Variants in PKP2 observed in about 807,000 individuals in gnomAD.
PKP2 encodes the protein plakophilin 2, also known as plakophilin-2.
In PKP2, 73 loss-of-function variants were observed where a neutral mutation model predicts 83.4. The ratio of observed to expected loss-of-function variants is 0.88; its 90% CI spans 0.72 to 1.06. The LOEUF (loss-of-function observed/expected upper bound fraction) is 1.06, where lower values mean the gene tolerates loss of function less well. PKP2 is among the 50% of genes least tolerant of loss of function. PKP2 has a pLI of 0.00. For missense variants in PKP2, 966 were observed against 1,065.4 expected, an observed-to-expected ratio of 0.91 and a Z score of 1.30; for synonymous variants, 409 against 430.4, an observed-to-expected ratio of 0.95 and a Z score of 0.62.
At chr12:32,856,227 T>A (rs1219083681) in intron 4 of PKP2, among the ~76,000 whole-genome samples, 1 of 151,868 alleles carries the variant, frequency 6.6e-6, no homozygotes, top group Non-Finnish European at 1.5e-5. Flanking sequence ...TTAAGAAGGG[T>A]CTTACAGACT....
At chr12:32,872,191 T>G (rs940708421) in intron 3 of PKP2, among the ~76,000 whole-genome samples, 3 of 152,150 alleles carry the variant, frequency 2.0e-5, no homozygotes, top group Non-Finnish European at 2.9e-5. Context: ...GAAAGCAGTG[T>G]AAACTACCAC....
chr12:32,803,013 T>C (rs1750708290), intron 9 of PKP2, among the ~76,000 whole-genome samples: 1 of 152,152 alleles, frequency 6.6e-6, no homozygotes, highest in South Asian at 2.1e-4. Context: ...GTATTTTCTT[T>C]AAACTCTTAT....
At chr12:32,802,355 G>GT in intron 10 of PKP2, 48 bp downstream of exon 10, 1 of 1,563,564 alleles carries the variant, frequency 6.4e-7, no homozygotes, top group Non-Finnish European at 8.8e-7. Context: ...TCATTGCATT[G>GT]TATCTTCAGC....
At chr12:32,860,303 T>C (rs1289030870) in intron 4 of PKP2, among the ~76,000 whole-genome samples, 2 of 152,092 alleles carry the variant, frequency 1.3e-5, no homozygotes, top group African/African-American at 2.4e-5. Flanking sequence ...TAGTATTCAG[T>C]AGAGTATTAA....
At chr12:32,835,268 T>G (rs2137814881) in intron 6 of PKP2, among the ~76,000 whole-genome samples, 1 of 152,252 alleles carries the variant, frequency 6.6e-6, no homozygotes, top group African/African-American at 2.4e-5. Context: ...TTGGGCAGGC[T>G]GCTCTTGAAC....
At chr12:32,884,718 G>GA (rs1314856342) in intron 1 of PKP2, among the ~76,000 whole-genome samples, 1 of 151,380 alleles carries the variant, frequency 6.6e-6, no homozygotes, top group African/African-American at 2.4e-5. Flanking sequence ...ATTTTTTCAT[G>GA]AATTAGTCTA....
At chr12:32,808,850 T>A (rs1030140954) in intron 9 of PKP2, among the ~76,000 whole-genome samples, 4 of 152,164 alleles carry the variant, frequency 2.6e-5, no homozygotes, top group African/African-American at 7.2e-5. Context: ...CTTGGAGGTA[T>A]CAACAGTGAA....
chr12:32,854,889 G>T (rs1367026574), intron 4 of PKP2, among the ~76,000 whole-genome samples: 1 of 152,154 alleles, frequency 6.6e-6, no homozygotes, highest in African/African-American at 2.4e-5. Context: ...TCCAGACCTG[G>T]AGCCTTTGCT....
chr12:32,835,338 C>T (rs1956535452), intron 6 of PKP2, among the ~76,000 whole-genome samples: 2 of 152,144 alleles, frequency 1.3e-5, no homozygotes, highest in Admixed American at 1.3e-4. Context: ...CAGGCATGAG[C>T]CACCGTGCCC....
intron 5 of PKP2, among the ~76,000 whole-genome samples, chr12:32,846,834 C>G (rs150697503): frequency 1.9e-3 from 281 of 151,296 alleles, no homozygotes; most frequent in African/African-American, 6.6e-3. Flanking sequence ...AGACAAGCCC[C>G]TTCTCAAAGA....
intron 1 of PKP2, among the ~76,000 whole-genome samples, chr12:32,887,544 C>G (rs181689665): frequency 1.3e-5 from 2 of 152,320 alleles, no homozygotes; most frequent in South Asian, 2.1e-4. Flanking sequence ...ACCTCTTCCT[C>G]TCAGGATCAA....
chr12:32,811,799 A>C (rs148886618), intron 9 of PKP2, among the ~76,000 whole-genome samples: 302 of 152,350 alleles, frequency 2.0e-3, no homozygotes, highest in African/African-American at 7.0e-3. Context: ...TTTCTCCAAC[A>C]GCTTGGCTTT....
At chr12:32,854,054 A>T (rs978239021) in intron 4 of PKP2, among the ~76,000 whole-genome samples, 3 of 152,220 alleles carry the variant, frequency 2.0e-5, no homozygotes, top group Non-Finnish European at 4.4e-5. Context: ...TGCAAAAAAA[A>T]TCCTATTTGT....
chr12:32,877,683 G>A (rs1250919159), intron 3 of PKP2, among the ~76,000 whole-genome samples, 163 bp downstream of exon 3: 1 of 152,216 alleles, frequency 6.6e-6, no homozygotes, highest in Non-Finnish European at 1.5e-5. Context: ...GAGGTAAATA[G>A]GCTGATCTGT....
intron 1 of PKP2, among the ~76,000 whole-genome samples, chr12:32,894,986 G>A (rs1210500999): frequency 6.6e-6 from 1 of 152,114 alleles, no homozygotes; most frequent in Non-Finnish European, 1.5e-5. Flanking sequence ...GGGGGCCACG[G>A]AGAGGCTTAG....
chr12:32,859,414 GTTTAT>G (rs1372657041), intron 4 of PKP2, among the ~76,000 whole-genome samples: 5 of 152,000 alleles, frequency 3.3e-5, no homozygotes, highest in East Asian at 1.9e-4. Flanking sequence ...CTATAAAAGC[GTTTAT>G]TTTATCATTT....
intron 1 of PKP2, among the ~76,000 whole-genome samples, chr12:32,883,681 A>G (rs1368581471): frequency 1.3e-5 from 2 of 152,210 alleles, no homozygotes; most frequent in African/African-American, 2.4e-5. Context: ...TCTTCCCTAC[A>G]TTGAAGAAAT....
At chr12:32,839,677 T>C (rs1275470421) in intron 6 of PKP2, among the ~76,000 whole-genome samples, 1 of 152,148 alleles carries the variant, frequency 6.6e-6, no homozygotes, top group Non-Finnish European at 1.5e-5. Flanking sequence ...GTTCCCACCA[T>C]TTTCAATGGA....
chr12:32,832,767 A>T (rs181923487), intron 6 of PKP2, among the ~76,000 whole-genome samples: 22 of 152,342 alleles, frequency 1.4e-4, no homozygotes, highest in Admixed American at 3.3e-4. Context: ...CTGATTTTCA[A>T]TAGTAAGTTC....
Sources: allele counts gnomAD v4.1 joint callset (sites outside exome capture counted in the v4.1 genomes callset), GRCh38; gene constraint gnomAD v4.1.1; transcripts MANE v1.5; gene names NCBI Gene and HGNC (gene_info 2026-07-23, HGNC 2026-07-21).